Variants in RNF157 observed in about 807,000 individuals in gnomAD.
The protein encoded by RNF157 is ring finger protein 157.
RNF157 carries 55 observed loss-of-function variants against 88.3 expected under a neutral mutation model. The ratio of observed to expected loss-of-function variants is 0.62; its 90% CI spans 0.50 to 0.78. RNF157 has a LOEUF of 0.78. RNF157 is among the 30% of genes least tolerant of loss of function. The probability of loss-of-function intolerance (pLI) is 0.00; values close to 1 mark genes in which losing one functional copy is unlikely to be tolerated. For missense variants in RNF157, 788 were observed against 860.8 expected (o/e 0.92, Z 1.06); for synonymous variants, 334 against 341.2 (o/e 0.98, Z 0.23).
intron 1 of RNF157, among the ~76,000 whole-genome samples, chr17:76,217,299 G>A (rs918024219): frequency 2.0e-5 from 3 of 151,948 alleles, no homozygotes; most frequent in South Asian, 2.1e-4. Flanking sequence ...GTGAGCCACC[G>A]AGCCCAGCCA....
In RNF157 at chr17:76,218,578, A is replaced by C. The variant is rs1203418840; in HGVS notation, c.89-6096T>G. On this transcript the variant is annotated intron_variant, in intron 1 of 18. Coordinates refer to ENST00000269391, the MANE Select transcript of RNF157 (RefSeq NM_052916.3). ...GAGGATTGCTGGAGGTCAAGGCAGGAGTGAGCTATGATCACACCCCTGGAC... is the reference window on the plus strand; with the variant it reads ...GAGGATTGCTGGAGGTCAAGGCAGGCGTGAGCTATGATCACACCCCTGGAC... 3.9e-5 allele frequency among the ~76,000 whole-genome samples: 6 copies of C among 152,116 alleles called. No individual in the cohort carries two copies. The East Asian group carries it at 1.2e-3, about 29-fold the overall frequency.
At chr17:76,224,026 A>G (rs1048132146) in intron 1 of RNF157, among the ~76,000 whole-genome samples, 1 of 152,200 alleles carries the variant, frequency 6.6e-6, no homozygotes, top group Non-Finnish European at 1.5e-5. Context: ...TTCTGGCTCT[A>G]CAAGAACTCA....
chr17:76,182,162 G>A (rs574613126), intron 2 of RNF157, among the ~76,000 whole-genome samples: 4 of 152,206 alleles, frequency 2.6e-5, no homozygotes, highest in Middle Eastern at 3.4e-3. Context: ...CTGAATCTGA[G>A]AATAACTTAA....
chr17:76,155,587 C>T lies in RNF157; in HGVS notation c.1673G>A (p.Ser558Asn), dbSNP rs2068750582. The part of the protein sequence containing the change: ...GEALSSPQPA[S>N]RAPSEEGEGL... The stretch of plus-strand genomic sequence containing the variant: ...CTCTCCTTCTTCTGAGGGGGCCCTG[C>T]TGGCAGGCTGGGGGGAAGAGAGAGC... The change falls in exon 15 of 19, where the codon AGC (serine) becomes AAC (asparagine). Residue 558 changes from serine to asparagine, a missense_variant. Coordinates refer to ENST00000269391, the MANE Select transcript of RNF157 (RefSeq NM_052916.3). 1 of 1,612,574 alleles carries T rather than the reference C, an allele frequency of 6.2e-7. No individual in the cohort carries two copies. Among genetic ancestry groups the T allele is most frequent in the African/African-American group, 1.3e-5 (1 of 74,844 alleles).
rs541493625 is a variant in RNF157 at position 76,238,850 on chromosome 17, C to T, written c.88+1303G>A. 1.8e-3 allele frequency among the ~76,000 whole-genome samples: 281 copies of T among 152,272 alleles called. 2 individuals are homozygous for T. Among genetic ancestry groups the T allele is most frequent in the African/African-American group, 6.5e-3 (269 of 41,544 alleles). On this transcript the variant is annotated intron_variant, in intron 1 of 18. Transcript: ENST00000269391. ...AGAGCTTTATTAAAATACTAACGAC[C>T]CACAGCTTTATCTTAGACCTTTCTA...
chr17:76,217,502 T>C (rs1214397847), intron 1 of RNF157, among the ~76,000 whole-genome samples: 1 of 152,032 alleles, frequency 6.6e-6, no homozygotes, highest in East Asian at 1.9e-4. Flanking sequence ...GAGGGACAAA[T>C]TGGTGCACAG....
rs1186345076 is a variant in RNF157 at position 76,164,588 on chromosome 17, C to T, written c.720+160G>A. 5 of 490,488 alleles carry T rather than the reference C, an allele frequency of 1.0e-5. No homozygotes were observed. In the Admixed American group the frequency reaches 1.9e-4, roughly 19 times the overall value. The allele number at this position is 490,488 out of a possible 1,614,324, so 30.4% of individuals were successfully genotyped here. A position where few individuals can be genotyped will look rare whatever the true frequency, so the allele number is the denominator to read the frequency against. ...AGCTTGTAACATTCAAAAGCACTCC[C>T]TTTTTTTCTTTTCTTCTTTGATTAA... is the stretch of plus-strand genomic sequence containing the variant. On this transcript the variant is annotated intron_variant, in intron 8 of 18. Transcript: ENST00000269391.
intron 2 of RNF157, among the ~76,000 whole-genome samples, chr17:76,184,533 T>C (rs2069249487): frequency 6.6e-6 from 1 of 152,160 alleles, no homozygotes; most frequent in Admixed American, 6.5e-5. Flanking sequence ...TGAATACAAA[T>C]TTGCCTATTT....
intron 6 of RNF157, among the ~76,000 whole-genome samples, chr17:76,165,892 G>A (rs1246787089): frequency 1.3e-5 from 2 of 152,028 alleles, no homozygotes; most frequent in African/African-American, 4.8e-5. Context: ...TGGTCAGGCT[G>A]GTCTCAAACT....
In RNF157 at chr17:76,152,392, T is replaced by C; in HGVS notation, c.1884A>G (p.Ala628=). 1 of 1,613,628 alleles carries C rather than the reference T, an allele frequency of 6.2e-7. No individual in the cohort carries two copies. The highest frequency in any genetic ancestry group is 1.1e-5 in the South Asian group (1 of 91,080). The part of the protein sequence containing the change: ...NNDFDIASVK[A]LDNKLCSEVC... ...CCTCAGAGCACAGCTTATTGTCCAGTGCTTTCACGCTTGCGATGTCAAAGT... is the reference window on the plus strand; with the variant it reads ...CCTCAGAGCACAGCTTATTGTCCAGCGCTTTCACGCTTGCGATGTCAAAGT... Residue 628 remains alanine, a synonymous_variant, in exon 18 of 19, where the codon GCA becomes GCG. Transcript: ENST00000269391.
intron 2 of RNF157, among the ~76,000 whole-genome samples, chr17:76,190,168 CTCT>C (rs1555657149): frequency 8.4e-6 from 1 of 118,532 alleles, no homozygotes; most frequent in Non-Finnish European, 2.0e-5. Context: ...TGCTTGCTCT[CTCT>C]TTTTTTTTTT....
intron 1 of RNF157, among the ~76,000 whole-genome samples, chr17:76,234,356 T>C (rs1186086562): frequency 6.6e-6 from 1 of 152,198 alleles, no homozygotes; most frequent in Admixed American, 6.5e-5. Context: ...AGTTTTTATG[T>C]GAATGTATTT....
chr17:76,178,095 G>A (rs1244488513), intron 2 of RNF157, among the ~76,000 whole-genome samples: 2 of 152,222 alleles, frequency 1.3e-5, no homozygotes, highest in Non-Finnish European at 1.5e-5. Context: ...TTGGACCCAT[G>A]GAATGGTGGG....
At chr17:76,162,086 G>T in intron 9 of RNF157, 84 bp from the exon 10 acceptor site, 1 of 1,372,908 alleles carries the variant, frequency 7.3e-7, no homozygotes, top group South Asian at 1.3e-5. Context: ...TGGCTGAAGA[G>T]CTAAGATAAG....
At chr17:76,169,848 T>G (rs1326011979) in intron 3 of RNF157, among the ~76,000 whole-genome samples, 1 of 152,248 alleles carries the variant, frequency 6.6e-6, no homozygotes, top group East Asian at 1.9e-4. Context: ...CCCAAAGTGC[T>G]GGGATTATAG....
intron 2 of RNF157, among the ~76,000 whole-genome samples, chr17:76,211,267 T>C (rs1165549433): frequency 1.3e-5 from 2 of 152,224 alleles, no homozygotes; most frequent in Non-Finnish European, 2.9e-5. Flanking sequence ...CTTAGGCCTG[T>C]GCCGTGCTCT....
At chr17:76,227,264 G>A (rs1257101104) in intron 1 of RNF157, among the ~76,000 whole-genome samples, 1 of 151,816 alleles carries the variant, frequency 6.6e-6, no homozygotes, top group African/African-American at 2.4e-5. Context: ...GGGACTACAG[G>A]CACCTGCCAC....
At chr17:76,222,398 G>GAGAA (rs1451004526) in intron 1 of RNF157, among the ~76,000 whole-genome samples, 1 of 151,790 alleles carries the variant, frequency 6.6e-6, no homozygotes, top group East Asian at 1.9e-4. Flanking sequence ...GTGCAACACT[G>GAGAA]TGAATGTTCA....
At chr17:76,167,943 T>TGGG in intron 3 of RNF157, 146 bp from the exon 4 acceptor site, 1 of 787,802 alleles carries the variant, frequency 1.3e-6, no homozygotes, top group Non-Finnish European at 2.0e-6. Context: ...CACAGAGTGC[T>TGGG]TCATGACCCA....
Sources: allele counts gnomAD v4.1 joint callset (sites outside exome capture counted in the v4.1 genomes callset), GRCh38; gene constraint gnomAD v4.1.1; transcripts MANE v1.5; gene names NCBI Gene and HGNC (gene_info 2026-07-23, HGNC 2026-07-21).